Variants in RPS6KC1 observed in about 807,000 individuals in gnomAD.
RPS6KC1 encodes inactive ribosomal protein S6 kinase delta-1.
Under a neutral mutation model 103.8 loss-of-function variants are expected in RPS6KC1, and 54 were observed. That is an observed-to-expected ratio of 0.52 (90% CI 0.42 to 0.65). The LOEUF is 0.65. Among genes scored for constraint, RPS6KC1 ranks in the 30% least tolerant of loss-of-function variants. RPS6KC1 has a pLI of 0.00. For missense variants in RPS6KC1, 1,151 were observed against 1,253.8 expected (o/e 0.92, Z 1.24); for synonymous variants, 439 against 438.7 (o/e 1.00, Z -0.01).
At chr1:213,563,219 G>C in the RPS6KC1 span, among the ~76,000 whole-genome samples, 1 of 152,036 alleles carries the variant, frequency 6.6e-6, no homozygotes, top group Admixed American at 6.5e-5. Flanking sequence ...ATTGTAAAAA[G>C]CCCCTCTTTA....
At chr1:213,201,762 G>A (rs1369382273) in intron 8 of RPS6KC1, among the ~76,000 whole-genome samples, 1 of 152,186 alleles carries the variant, frequency 6.6e-6, no homozygotes, top group Non-Finnish European at 1.5e-5. Context: ...TGTTTAAAAG[G>A]AGAAAAATCA....
chr1:213,282,326 T>C, the RPS6KC1 span, among the ~76,000 whole-genome samples: 1 of 152,238 alleles, frequency 6.6e-6, no homozygotes, highest in Non-Finnish European at 1.5e-5. Context: ...TTCTGTTTCA[T>C]GTTGTTGAGA....
chr1:213,450,640 T>G, the RPS6KC1 span, among the ~76,000 whole-genome samples: 2 of 152,186 alleles, frequency 1.3e-5, no homozygotes, highest in Non-Finnish European at 2.9e-5. Flanking sequence ...AATTTTATCC[T>G]TATTTTGTGG....
At chr1:213,651,067 T>C in the RPS6KC1 span, among the ~76,000 whole-genome samples, 64,639 of 151,414 alleles carry the variant, frequency 0.43, 14,275 homozygotes, top group Non-Finnish European at 0.5. Flanking sequence ...TGTTTGGAAG[T>C]GTGAGGCAGA....
chr1:213,810,018 C>A, the RPS6KC1 span, among the ~76,000 whole-genome samples: 10 of 152,322 alleles, frequency 6.6e-5, no homozygotes, highest in African/African-American at 2.4e-4. Context: ...CCACAACCAG[C>A]CTCTCACCTC....
intron 1 of RPS6KC1, among the ~76,000 whole-genome samples, chr1:213,064,428 C>A (rs538572063): frequency 6.7e-6 from 1 of 149,642 alleles, no homozygotes; most frequent in East Asian, 2.0e-4. Context: ...AGTACAATGG[C>A]GCAATCTCAG....
the RPS6KC1 span, among the ~76,000 whole-genome samples, chr1:213,632,201 T>C: frequency 6.6e-6 from 1 of 152,222 alleles, no homozygotes; most frequent in African/African-American, 2.4e-5. Context: ...AAATTGTGGA[T>C]ACAGCTGCTG....
At chr1:213,803,011 T>C in the RPS6KC1 span, among the ~76,000 whole-genome samples, 1 of 152,160 alleles carries the variant, frequency 6.6e-6, no homozygotes, top group Non-Finnish European at 1.5e-5. Flanking sequence ...GAAACTCTGC[T>C]AGGCATGGGA....
chr1:213,077,852 T>A (rs748703782), intron 3 of RPS6KC1, 36 bp downstream of exon 3: 3 of 1,311,876 alleles, frequency 2.3e-6, no homozygotes, highest in Non-Finnish European at 3.1e-6. Context: ...TTTAAAAAAA[T>A]AATTAATTTT....
the RPS6KC1 span, among the ~76,000 whole-genome samples, chr1:213,510,879 C>T: frequency 6.6e-6 from 1 of 151,990 alleles, no homozygotes; most frequent in African/African-American, 2.4e-5. Flanking sequence ...GGTGCCTAGC[C>T]CAGGGCCGAA....
the RPS6KC1 span, among the ~76,000 whole-genome samples, chr1:213,322,277 G>C: frequency 6.6e-6 from 1 of 152,190 alleles, no homozygotes; most frequent in Non-Finnish European, 1.5e-5. Context: ...GGGTGACAGA[G>C]TGAGGCTCTG....
chr1:213,660,903 T>A, the RPS6KC1 span, among the ~76,000 whole-genome samples: 2 of 152,220 alleles, frequency 1.3e-5, no homozygotes, highest in Admixed American at 1.3e-4. Context: ...TCGCCAGTCG[T>A]TGAGTCCTGC....
intron 8 of RPS6KC1, among the ~76,000 whole-genome samples, chr1:213,225,570 G>A (rs2093941199): frequency 6.6e-6 from 1 of 152,096 alleles, no homozygotes; most frequent in South Asian, 2.1e-4. Context: ...TGTATTTTTA[G>A]TAGAGACGAG....
the RPS6KC1 span, among the ~76,000 whole-genome samples, chr1:213,601,429 T>G: frequency 6.8e-6 from 1 of 148,014 alleles, no homozygotes; most frequent in African/African-American, 2.5e-5. Context: ...TATTTATATA[T>G]TCATAAATAT....
At chr1:213,414,577 C>A in the RPS6KC1 span, among the ~76,000 whole-genome samples, 1 of 152,158 alleles carries the variant, frequency 6.6e-6, no homozygotes, top group Non-Finnish European at 1.5e-5. Flanking sequence ...CATATTGTCC[C>A]ACAGAGCCTC....
the RPS6KC1 span, among the ~76,000 whole-genome samples, chr1:213,830,646 A>G: frequency 6.6e-6 from 1 of 151,752 alleles, no homozygotes; most frequent in Non-Finnish European, 1.5e-5. Flanking sequence ...TTAAATGACA[A>G]TAGAAAGGTC....
At chr1:213,686,760 T>A in the RPS6KC1 span, among the ~76,000 whole-genome samples, 4 of 152,178 alleles carry the variant, frequency 2.6e-5, no homozygotes, top group Non-Finnish European at 5.9e-5. Context: ...AGCAGGTTTA[T>A]TAAGGAAGTA....
At chr1:213,728,942 TTTTTTG>T in the RPS6KC1 span, among the ~76,000 whole-genome samples, 91 of 97,830 alleles carry the variant, frequency 9.3e-4, 1 homozygote, top group East Asian at 3.6e-3. Context: ...TGAGGGTTTT[TTTTTTG>T]TTTTTTTTTT....
chr1:213,126,492 G>T (rs557063312), intron 5 of RPS6KC1, among the ~76,000 whole-genome samples: 1 of 152,094 alleles, frequency 6.6e-6, no homozygotes. Context: ...ATCTAAAGCT[G>T]ATTAGAAATT....
Sources: allele counts gnomAD v4.1 joint callset (sites outside exome capture counted in the v4.1 genomes callset), GRCh38; gene constraint gnomAD v4.1.1; transcripts MANE v1.5; gene names NCBI Gene and HGNC (gene_info 2026-07-23, HGNC 2026-07-21).